Variants in NR1D2 observed in about 807,000 individuals in gnomAD.
NR1D2 encodes the protein V-erbA-related protein 1-related.
NR1D2 carries 25 observed loss-of-function variants against 52.2 expected under a neutral mutation model. The observed-to-expected ratio is 0.48, with a 90% CI of 0.35 to 0.67. NR1D2 has a LOEUF of 0.67. NR1D2 is among the 30% of genes least tolerant of loss of function. The pLI, the probability that NR1D2 is intolerant of heterozygous loss-of-function variation, is 0.01. For missense variants in NR1D2, 681 were observed against 707.2 expected, an observed-to-expected ratio of 0.96 and a Z score of 0.42; for synonymous variants, 259 against 230.1, an observed-to-expected ratio of 1.13 and a Z score of -1.14.
Position 23,960,691 on chromosome 3 carries a change from A to AT in NR1D2, c.517+884dup, listed in dbSNP as rs987844650. 6.6e-5 allele frequency among the ~76,000 whole-genome samples: 10 copies of AT among 152,128 alleles called. 1 individual carries two copies. The highest frequency in any genetic ancestry group is 2.2e-4 in the African/African-American group (9 of 41,526). ...TGTTTTGTTTTTTCAATTCCCTGAA[A>AT]TTTTTTTTATAGTGCTAAAAGTACT... On this transcript the variant is annotated intron_variant, in intron 4 of 7. Transcript: ENST00000312521.
rs554266255 is a variant in NR1D2 at position 23,963,806 on chromosome 3, A to ATTC, written c.1147-1169_1147-1167dup. Among the ~76,000 whole-genome samples, 14 of 151,810 alleles carry ATTC rather than the reference A, an allele frequency of 9.2e-5. 1 individual carries two copies. In the South Asian group the frequency reaches 1.7e-3, roughly 18 times the overall value. ...GGCATTTTGGTTCTGATTTCATGAT[A>ATTC]TTCTCTATGGTTTTGTAATCATCCC... On this transcript the variant is annotated intron_variant, in intron 5 of 7. Transcript: ENST00000312521.
chr3:23,946,112 G>T, intron 1 of NR1D2: 1 of 984,848 alleles, frequency 1.0e-6, no homozygotes, highest in Non-Finnish European at 1.2e-6. Context: ...CAGTGACGTC[G>T]CCGCGATTCC....
Position 23,979,981 on chromosome 3 carries a change from CTT to C in NR1D2, c.*2564_*2565del, listed in dbSNP as rs1706836164. ...TTTTTCCTGTGCTTTTAATGTATCT[CTT>C]TACATGATCTGAGAGAGGATTCAAG... On this transcript the variant is annotated 3_prime_UTR_variant, in exon 8 of 8. Coordinates refer to ENST00000312521, the MANE Select transcript of NR1D2 (RefSeq NM_005126.5). The C allele has an allele frequency of 6.6e-6, 1 of 152,142 alleles. No individual in the cohort carries two copies. The highest frequency in any genetic ancestry group is 2.4e-5 in the African/African-American group (1 of 41,532). The allele number at this position is 152,142 out of a possible 1,614,324, so 9.4% of individuals were successfully genotyped here.
At chr3:23,945,669 G>T in intron 1 of NR1D2, 75 bp downstream of exon 1, 1 of 995,848 alleles carries the variant, frequency 1.0e-6, no homozygotes. Flanking sequence ...TTGGGGGGCG[G>T]CGGCAGGGGG....
intron 5 of NR1D2, chr3:23,963,307 G>A (rs1034388287): frequency 1.3e-5 from 18 of 1,349,302 alleles, no homozygotes; most frequent in African/African-American, 7.4e-5. Flanking sequence ...TCCTTTGATA[G>A]TGCTTGGTAT....
Position 23,954,670 on chromosome 3 carries a change from T to C in NR1D2, c.150T>C (p.Asp50=). The change falls in exon 2 of 8, where the codon GAT becomes GAC. Residue 50 remains aspartate (D), a synonymous_variant. Coordinates refer to ENST00000312521, the MANE Select transcript of NR1D2 (RefSeq NM_005126.5). The part of the protein sequence containing the change: ...VPSSPNSSNS[D]TNGNPKNGDL... ...CTTCTCCAAATAGCTCTAATTCTGA[T>C]ACCAATGGTAATCCCAAGAATGGTG... 1 of 1,614,146 alleles carries C rather than the reference T, an allele frequency of 6.2e-7. No homozygotes were observed. Among genetic ancestry groups the C allele is most frequent in the Admixed American group, 1.7e-5 (1 of 60,024 alleles).
In NR1D2 at chr3:23,978,315, CAAG is replaced by C. The variant is rs992961082; in HGVS notation, c.*898_*900del. On this transcript the variant is annotated 3_prime_UTR_variant, in exon 8 of 8. Coordinates refer to ENST00000312521, the MANE Select transcript of NR1D2 (RefSeq NM_005126.5). The stretch of plus-strand genomic sequence containing the variant: ...ACTTTATCATACAGGAAACTTAAAA[CAAG>C]AGGTGTCAAAAGACCCAAATTAGGT... 8 of 152,146 alleles carry C rather than the reference CAAG, an allele frequency of 5.3e-5. No homozygotes were observed. The Middle Eastern group carries it at 0.014, about 259-fold the overall frequency. 9.4% of individuals were successfully genotyped at this position (152,146 alleles called of 1,614,324 possible).
At chr3:23,956,566 T>G (rs952385457) in intron 3 of NR1D2, among the ~76,000 whole-genome samples, 1 of 152,166 alleles carries the variant, frequency 6.6e-6, no homozygotes, top group Non-Finnish European at 1.5e-5. Flanking sequence ...TACTGGGAGC[T>G]GGGAATAATT....
chr3:23,957,503 T>G (rs958976334), intron 3 of NR1D2, among the ~76,000 whole-genome samples: 2 of 139,780 alleles, frequency 1.4e-5, no homozygotes, highest in Admixed American at 1.5e-4. Context: ...GATCACGAGG[T>G]CAGGAGATCG....
chr3:23,946,708 T>TAA (rs202140173), intron 1 of NR1D2: 1 of 151,754 alleles, frequency 6.6e-6, no homozygotes, highest in African/African-American at 2.4e-5. Context: ...TCATTTAAAT[T>TAA]AAAAAAAAAT....
intron 1 of NR1D2, chr3:23,946,057 C>T (rs1221409893): frequency 1.0e-6 from 1 of 972,404 alleles, no homozygotes; most frequent in Non-Finnish European, 1.2e-6. Flanking sequence ...TGGCTGGGAG[C>T]GCCGCAGCCT....
At chr3:23,965,504 T>A (rs997162883) in intron 6 of NR1D2, among the ~76,000 whole-genome samples, 1 of 151,678 alleles carries the variant, frequency 6.6e-6, no homozygotes, top group Non-Finnish European at 1.5e-5. Context: ...CACTTTGGCC[T>A]CCTAAAGTGC....
chr3:23,976,302 C>A (rs1186977696), intron 7 of NR1D2, among the ~76,000 whole-genome samples: 1 of 152,208 alleles, frequency 6.6e-6, no homozygotes, highest in Non-Finnish European at 1.5e-5. Flanking sequence ...CAGGGGCTTA[C>A]AAATGCAAAC....
chr3:23,945,557 C>A lies in NR1D2; in HGVS notation c.-22C>A, dbSNP rs1431283645. 2.6e-6 allele frequency: 3 copies of A among 1,156,192 alleles called. No homozygotes were observed. Among genetic ancestry groups the A allele is most frequent in the Non-Finnish European group, 3.2e-6 (3 of 932,686 alleles). The allele number at this position is 1,156,192 out of a possible 1,614,324, so 71.6% of individuals were successfully genotyped here. A position where few individuals can be genotyped will look rare whatever the true frequency, so the allele number is the denominator to read the frequency against. The stretch of plus-strand genomic sequence containing the variant: ...CCCCTCTGCGGGAAGCGGGCGGCCC[C>A]GGCCGCCTCCGCGAGGGCACCATGG... On this transcript the variant is annotated 5_prime_UTR_variant, in exon 1 of 8. Transcript: ENST00000312521.
chr3:23,947,452 G>C (rs1705771884), intron 1 of NR1D2, among the ~76,000 whole-genome samples: 1 of 152,150 alleles, frequency 6.6e-6, no homozygotes, highest in African/African-American at 2.4e-5. Flanking sequence ...CCTTGTTGCC[G>C]TTTGGGATGG....
intron 5 of NR1D2, chr3:23,964,734 T>C (rs1006405242): frequency 4.3e-5 from 16 of 372,796 alleles, no homozygotes; most frequent in African/African-American, 3.3e-4. Flanking sequence ...TAGCTTGTTA[T>C]AGATGATATT....
At chr3:23,958,195 G>A (rs1315336899) in intron 3 of NR1D2, among the ~76,000 whole-genome samples, 1 of 152,202 alleles carries the variant, frequency 6.6e-6, no homozygotes, top group Non-Finnish European at 1.5e-5. Context: ...ACACTTACCT[G>A]TTGCTGGCAC....
intron 1 of NR1D2, among the ~76,000 whole-genome samples, chr3:23,951,040 G>T (rs757611438): frequency 7.3e-5 from 11 of 151,722 alleles, no homozygotes; most frequent in Non-Finnish European, 5.9e-5. Flanking sequence ...TGAGGAGCTG[G>T]GATTACAGGC....
At chr3:23,954,021 A>T (rs1706016644) in intron 1 of NR1D2, among the ~76,000 whole-genome samples, 2 of 152,126 alleles carry the variant, frequency 1.3e-5, no homozygotes, top group African/African-American at 4.8e-5. Context: ...TCTTTCTTTG[A>T]GATGGGGTCC....
Sources: allele counts gnomAD v4.1 joint callset (sites outside exome capture counted in the v4.1 genomes callset), GRCh38; gene constraint gnomAD v4.1.1; transcripts MANE v1.5; gene names NCBI Gene and HGNC (gene_info 2026-07-23, HGNC 2026-07-21).